The following PTPRT variants were observed in gnomAD, a reference collection of about 807,000 sequenced individuals.
PTPRT encodes receptor-type tyrosine-protein phosphatase T.
In PTPRT, 56 loss-of-function variants were observed where a neutral mutation model predicts 176.8. The ratio of observed to expected loss-of-function variants is 0.32; its 90% CI spans 0.26 to 0.40. PTPRT has a LOEUF of 0.40. Among genes scored for constraint, PTPRT ranks in the 10% least tolerant of loss-of-function variants. The probability of loss-of-function intolerance (pLI) is 1.00; values close to 1 mark genes in which losing one functional copy is unlikely to be tolerated. For synonymous variants in PTPRT, 783 were observed against 739.0 expected, an observed-to-expected ratio of 1.06 and a Z score of -0.96; for missense variants, 1,540 against 1,908.2, an observed-to-expected ratio of 0.81 and a Z score of 3.60.
intron 1 of PTPRT, among the ~76,000 whole-genome samples, chr20:43,165,555 G>A (rs1261741899): frequency 6.6e-6 from 1 of 152,128 alleles, no homozygotes; most frequent in Non-Finnish European, 1.5e-5. Context: ...CCAGCCATGT[G>A]AGTCCATTAA....
At position 43,108,071 on chromosome 20, in the gene PTPRT, T is replaced by C. The variant is rs538038401; in HGVS notation, c.88+81575A>G. The stretch of plus-strand genomic sequence containing the variant: ...TCTCCATTTCTTCTACAAGGTGATC[T>C]TGACACTCTCCCATCAAGTGGTAGA... On this transcript the variant is annotated intron_variant, in intron 1 of 30. Transcript: ENST00000373187. Among the ~76,000 whole-genome samples the C allele has an allele frequency of 3.3e-5, 5 of 152,344 alleles. No homozygotes were observed. In the South Asian group the frequency reaches 1.0e-3, roughly 32 times the overall value.
At chr20:42,692,345 T>C (rs1220776796) in intron 6 of PTPRT, among the ~76,000 whole-genome samples, 2 of 152,166 alleles carry the variant, frequency 1.3e-5, no homozygotes, top group Non-Finnish European at 2.9e-5. Context: ...GAATAACAGG[T>C]TATAACCACA....
chr20:42,722,126 C>T (rs2076312920), intron 6 of PTPRT, among the ~76,000 whole-genome samples: 1 of 152,170 alleles, frequency 6.6e-6, no homozygotes, highest in South Asian at 2.1e-4. Context: ...TCCTCCCTTC[C>T]TCTCTGCACA....
At chr20:42,183,830 C>T (rs552216005) in intron 16 of PTPRT, among the ~76,000 whole-genome samples, 3 of 152,150 alleles carry the variant, frequency 2.0e-5, no homozygotes, top group South Asian at 4.2e-4. Context: ...TAGTTCTGAG[C>T]CTAGTTTTTA....
intron 1 of PTPRT, among the ~76,000 whole-genome samples, chr20:43,031,480 A>C (rs1986135782): frequency 6.6e-6 from 1 of 152,318 alleles, no homozygotes; most frequent in East Asian, 1.9e-4. Flanking sequence ...TGTAAGCAAT[A>C]CAATTGCATT....
intron 8 of PTPRT, among the ~76,000 whole-genome samples, chr20:42,458,033 T>C (rs555755812): frequency 6.6e-6 from 1 of 152,276 alleles, no homozygotes; most frequent in South Asian, 2.1e-4. Context: ...TTGGAGGTAC[T>C]TATGCATGTA....
At chr20:42,284,027 T>C (rs2057185590) in intron 12 of PTPRT, among the ~76,000 whole-genome samples, 1 of 152,076 alleles carries the variant, frequency 6.6e-6, no homozygotes, top group South Asian at 2.1e-4. Context: ...TGAAAGATGG[T>C]TCTCGGGCTC....
At chr20:42,735,021 C>G (rs2076517749) in intron 6 of PTPRT, among the ~76,000 whole-genome samples, 1 of 152,208 alleles carries the variant, frequency 6.6e-6, no homozygotes, top group South Asian at 2.1e-4. Context: ...TGCAGAAAAA[C>G]CACACAGTGT....
At chr20:43,070,325 A>G (rs1207175436) in intron 1 of PTPRT, among the ~76,000 whole-genome samples, 1 of 152,174 alleles carries the variant, frequency 6.6e-6, no homozygotes, top group Non-Finnish European at 1.5e-5. Flanking sequence ...TCAGGAAACA[A>G]CAGGTGCTGG....
rs755670552 is a variant in PTPRT, at chr20:42,119,964, T to C, written c.2855A>G (p.His952Arg). 9 of 1,608,462 alleles carry C rather than the reference T, an allele frequency of 5.6e-6. No homozygotes were observed. The highest frequency in any genetic ancestry group is 8.5e-7 in the Non-Finnish European group (1 of 1,177,452). ...AGTCGCAATGTAGTGCCGAGGTCGA[T>C]GGTATCCCTGGATAACAGGAGAAAA... ...YINANYIDGY[H>R]RPRHYIATQG... The change falls in exon 20 of 31, where the codon CAT becomes CGT. Residue 952 changes from histidine (H) to arginine (R), a missense_variant. His to Arg is a conservative substitution (Grantham distance 29). This residue lies in a region of PTPRT where 248 missense variants were observed against 356.7 expected (regional missense o/e 0.70). Coordinates refer to ENST00000373187, the MANE Select transcript of PTPRT (RefSeq NM_007050.6).
chr20:42,114,527 A>G (rs1016998128), intron 22 of PTPRT, among the ~76,000 whole-genome samples: 2 of 152,216 alleles, frequency 1.3e-5, no homozygotes, highest in Non-Finnish European at 2.9e-5. Flanking sequence ...TTTAATGTCC[A>G]GACCAGCATT....
intron 17 of PTPRT, among the ~76,000 whole-genome samples, chr20:42,159,630 C>A (rs1480525698): frequency 2.0e-5 from 3 of 152,080 alleles, no homozygotes; most frequent in African/African-American, 7.2e-5. Context: ...ATTCGAATAT[C>A]CTTTCAAGAT....
the PTPRT span, among the ~76,000 whole-genome samples, chr20:42,036,316 C>A: frequency 3.9e-5 from 6 of 152,204 alleles, 1 homozygote; most frequent in Non-Finnish European, 8.8e-5. Flanking sequence ...GCAGCAAGGT[C>A]TTTAGTAAAA....
intron 13 of PTPRT, among the ~76,000 whole-genome samples, chr20:42,265,277 C>T (rs73909248): frequency 0.012 from 1,832 of 152,162 alleles, 34 homozygotes; most frequent in African/African-American, 0.042. Flanking sequence ...AGTATGATTA[C>T]AGACTGTCTT....
chr20:42,879,149 G>A (rs909573834), intron 2 of PTPRT, among the ~76,000 whole-genome samples: 1 of 152,176 alleles, frequency 6.6e-6, no homozygotes, highest in Admixed American at 6.5e-5. Context: ...TAATTGACCT[G>A]GTTTTAGTTT....
chr20:42,230,970 T>C (rs115871839), intron 15 of PTPRT, among the ~76,000 whole-genome samples: 11,217 of 152,226 alleles, frequency 0.074, 1,371 homozygotes, highest in African/African-American at 0.26. Context: ...GCTCTAACCC[T>C]TTGGCTACCT....
intron 7 of PTPRT, among the ~76,000 whole-genome samples, chr20:42,549,092 C>A (rs998729054): frequency 6.6e-6 from 1 of 152,070 alleles, no homozygotes; most frequent in Non-Finnish European, 1.5e-5. Context: ...ACATTCAACT[C>A]CAATTTATAG....
In PTPRT at chr20:42,326,083, T is replaced by C. The variant is rs143828286; in HGVS notation, c.1866-10087A>G. Among the ~76,000 whole-genome samples, 43 of 152,348 alleles carry C rather than the reference T, an allele frequency of 2.8e-4. 1 individual carries two copies. The East Asian group carries it at 8.1e-3, about 29-fold the overall frequency. ...CAATTACACTTTCCCTCTTAATTTTTACCTACCACACCTAACAGATTAGGT... is the reference window on the plus strand; with the variant it reads ...CAATTACACTTTCCCTCTTAATTTTCACCTACCACACCTAACAGATTAGGT... On this transcript the variant is annotated intron_variant, in intron 11 of 30. Transcript: ENST00000373187.
intron 2 of PTPRT, among the ~76,000 whole-genome samples, chr20:42,873,933 T>C (rs970954509): frequency 3.3e-5 from 5 of 152,218 alleles, no homozygotes. Flanking sequence ...CCAAATATCT[T>C]AGAATGCATA....
Sources: gnomAD v4.1 joint callset for allele counts (sites outside exome capture counted in the v4.1 genomes callset) on GRCh38, gnomAD v4.1.1 for gene constraint, gnomAD v4.1.1 regional missense constraint, MANE v1.5 for transcripts, NCBI Gene and HGNC (gene_info 2026-07-23, HGNC 2026-07-21) for gene names.